PNLDC1: variants seen among roughly 807,000 people sequenced by gnomAD.
PNLDC1 encodes the protein PARN like ribonuclease domain containing exonuclease 1.
PNLDC1 carries 70 observed loss-of-function variants against 82.0 expected under a neutral mutation model. The ratio of observed to expected loss-of-function variants is 0.85; its 90% CI spans 0.70 to 1.04. The LOEUF (loss-of-function observed/expected upper bound fraction) is 1.04, where lower values mean the gene tolerates loss of function less well. Among genes scored for constraint, PNLDC1 ranks in the 50% least tolerant of loss-of-function variants. The probability of loss-of-function intolerance (pLI) is 0.00; values close to 1 mark genes in which losing one functional copy is unlikely to be tolerated. For synonymous variants in PNLDC1, 280 were observed against 249.3 expected (o/e 1.12, Z -1.16); for missense variants, 631 against 661.1 (o/e 0.95, Z 0.50).
intron 13 of PNLDC1, 62 bp downstream of exon 13, chr6:159,816,095 G>A: frequency 9.2e-7 from 1 of 1,088,844 alleles, no homozygotes; most frequent in South Asian, 1.6e-5. Context: ...GCTCAGCTGA[G>A]CTTGTCCTTG....
intron 6 of PNLDC1, chr6:159,805,704 G>C: frequency 2.6e-6 from 1 of 389,252 alleles, no homozygotes. Context: ...GCTTGGTATT[G>C]GCTAGATACC....
In PNLDC1 at chr6:159,804,024, C is replaced by T. The variant is rs1241178488; in HGVS notation, c.308C>T (p.Ser103Leu). 1 of 1,613,970 alleles carries T rather than the reference C, an allele frequency of 6.2e-7. No individual in the cohort carries two copies. Among genetic ancestry groups the T allele is most frequent in the Non-Finnish European group, 8.5e-7 (1 of 1,179,834 alleles). Residue 103 changes from serine to leucine, a missense_variant, in exon 5 of 19, where the codon TCA (serine) becomes TTA (leucine). By Grantham distance (145) the Ser-to-Leu change is moderately radical (BLOSUM62 -2). Coordinates refer to ENST00000392167, the MANE Select transcript of PNLDC1 (RefSeq NM_001271862.2). ...LFPTTFGILDSEFSFQASSVQ... is the reference protein window; with the variant it reads ...LFPTTFGILDLEFSFQASSVQ... ...CCTACAACGTTTGGGATTTTGGACT[C>T]AGAATTCTCCTTCCAGGCTTCCAGT...
Position 159,809,158 on chromosome 6 carries a change from G to A in PNLDC1, c.783G>A (p.Lys261=). 1.2e-6 allele frequency: 2 copies of A among 1,613,778 alleles called. No individual in the cohort carries two copies. Among genetic ancestry groups the A allele is most frequent in the Non-Finnish European group, 1.7e-6 (2 of 1,179,962 alleles). ...TCCAAATGCTGGTGAAAGCCCAGAA[G>A]GTAGGAAAACATGTCTCTTTTCTTG... The part of the protein sequence containing the change: ...VFFQMLVKAQ[K]PLVGHNMMMD... The change falls in exon 9 of 19, where the codon AAG becomes AAA. Residue 261 remains lysine (K), a splice_region_variant and synonymous_variant. Coordinates refer to ENST00000392167, the MANE Select transcript of PNLDC1 (RefSeq NM_001271862.2).
At position 159,820,551 on chromosome 6, in the gene PNLDC1, C is replaced by T; in HGVS notation, c.*34C>T. 1.2e-6 allele frequency: 2 copies of T among 1,600,376 alleles called. No homozygotes were observed. The highest frequency in any genetic ancestry group is 1.7e-6 in the Non-Finnish European group (2 of 1,167,956). On this transcript the variant is annotated 3_prime_UTR_variant, in exon 19 of 19. Transcript: ENST00000392167. ...AGGCCTCCTGCGGCCACCCTCGGGT[C>T]CCCATGCTCTCTGGGAGGTGTGCTG... is the stretch of plus-strand genomic sequence containing the variant.
intron 3 of PNLDC1, among the ~76,000 whole-genome samples, chr6:159,802,609 CTT>C (rs1203802134): frequency 6.6e-6 from 1 of 151,532 alleles, no homozygotes; most frequent in Non-Finnish European, 1.5e-5. Flanking sequence ...GGGACAGAGT[CTT>C]GCTCTGTTGC....
chr6:159,816,528 TGG>T lies in PNLDC1; in HGVS notation c.1061-14_1061-13del, dbSNP rs761533614. The T allele has an allele frequency of 1.9e-6, 3 of 1,612,858 alleles. No individual in the cohort carries two copies. Among genetic ancestry groups the T allele is most frequent in the Non-Finnish European group, 2.5e-6 (3 of 1,179,336 alleles). On this transcript the variant is annotated splice_polypyrimidine_tract_variant and intron_variant, in intron 13 of 18. Transcript: ENST00000392167. Reference sequence around the variant, plus strand: ...ACTGCTCAATTCTCTGTCCTCCTGGTGGAAAATGCCTCAGTTGAGACAAAGTG... The same window carrying T: ...ACTGCTCAATTCTCTGTCCTCCTGGTAAAATGCCTCAGTTGAGACAAAGTG...
At chr6:159,807,330 A>G (rs1423360422) in intron 7 of PNLDC1, among the ~76,000 whole-genome samples, 6 of 152,166 alleles carry the variant, frequency 3.9e-5, no homozygotes, top group Admixed American at 3.3e-4. Context: ...TTGGGAGGCC[A>G]AGGCAATGAG....
chr6:159,801,566 C>T (rs1781256971), intron 3 of PNLDC1, among the ~76,000 whole-genome samples: 2 of 152,092 alleles, frequency 1.3e-5, no homozygotes, highest in Non-Finnish European at 2.9e-5. Context: ...AGCACGTCAG[C>T]CTCCTGAGTA....
intron 7 of PNLDC1, among the ~76,000 whole-genome samples, chr6:159,808,529 T>A (rs376823267): frequency 2.2e-3 from 275 of 127,198 alleles, no homozygotes; most frequent in Middle Eastern, 4.4e-3. Context: ...GGCCCTGAGA[T>A]AAAAAAAAAA....
rs757368169 is a variant in PNLDC1, at chr6:159,804,604, A to G, written c.428A>G (p.His143Arg). 3 of 1,611,314 alleles carry G rather than the reference A, an allele frequency of 1.9e-6. No homozygotes were observed. In the Admixed American group the frequency reaches 5.0e-5, roughly 27 times the overall value. ...GAAGAACAGGAGAAGAAAATTAGAC[A>G]CGATATCCTGACTGGGAACTGGAGA... ...MNEEQEKKIRHDILTGNWRVR... is the reference protein window; with the variant it reads ...MNEEQEKKIRRDILTGNWRVR... Residue 143 changes from histidine to arginine, a missense_variant, in exon 6 of 19, where the codon CAC (histidine) becomes CGC (arginine). Physicochemically the swap from His to Arg is conservative, Grantham distance 29 (BLOSUM62 0). Transcript: ENST00000392167.
At chr6:159,810,194 C>G in intron 10 of PNLDC1, 99 bp downstream of exon 10, 1 of 1,043,806 alleles carries the variant, frequency 9.6e-7, no homozygotes, top group Non-Finnish European at 1.5e-6. Flanking sequence ...CCTAAAATGC[C>G]CATTCCTCCC....
rs368509896 is a variant in PNLDC1, at chr6:159,819,206, C to T, written c.1434-48C>T. On this transcript the variant is annotated intron_variant, in intron 17 of 18. Transcript: ENST00000392167. This position sits in a 1 kb window ranked among gnomAD's most constrained non-coding sequence, Gnocchi z 4.6. ...ACTCCACCCGCCTGATCACAGCAGG[C>T]GGCGCCATCCTGCTGCCTGGCTGAC... 188 of 1,609,520 alleles carry T rather than the reference C, an allele frequency of 1.2e-4. No homozygotes were observed. The highest frequency in any genetic ancestry group is 1.3e-4 in the Non-Finnish European group (158 of 1,177,006).
intron 13 of PNLDC1, 99 bp downstream of exon 13, chr6:159,816,132 A>ACCCCCCCGCCACCCCCCTCCCCC: frequency 4.0e-6 from 1 of 252,892 alleles, no homozygotes; most frequent in South Asian, 8.9e-5. Context: ...ACCCCTCCCC[A>ACCCCCCCGCCACCCCCCTCCCCC]CCCACCCGCC....
In PNLDC1 at chr6:159,820,664, T is replaced by C; in HGVS notation, c.*147T>C. 5 of 720,400 alleles carry C rather than the reference T, an allele frequency of 6.9e-6. No homozygotes were observed. The Middle Eastern group carries it at 7.4e-4, about 107-fold the overall frequency. 44.6% of individuals were successfully genotyped at this position (720,400 alleles called of 1,614,324 possible). On this transcript the variant is annotated 3_prime_UTR_variant, in exon 19 of 19. Coordinates refer to ENST00000392167, the MANE Select transcript of PNLDC1 (RefSeq NM_001271862.2). ...CTGTTATGTCCTGAACGTGAAATTCTGTCAACACTCTCAATGATAAATCAG... is the reference window on the plus strand; with the variant it reads ...CTGTTATGTCCTGAACGTGAAATTCCGTCAACACTCTCAATGATAAATCAG...
Position 159,810,105 on chromosome 6 carries a change from A to G in PNLDC1, c.853+10A>G. On this transcript the variant is annotated intron_variant, in intron 10 of 18. Transcript: ENST00000392167. ...TTCAGACCCCTCCCAGGTAGGGGCA[A>G]ACCTGTCATTTCTCTTCCTTCACGC... 6.2e-7 allele frequency: 1 copy of G among 1,610,326 alleles called. No homozygotes were observed. Among genetic ancestry groups the G allele is most frequent in the South Asian group, 1.1e-5 (1 of 91,018 alleles).
Position 159,800,769 on chromosome 6 carries a change from C to T in PNLDC1, c.77-3C>T, listed in dbSNP as rs754073075. 7 of 1,614,062 alleles carry T rather than the reference C, an allele frequency of 4.3e-6. No individual in the cohort carries two copies. Among genetic ancestry groups the T allele is most frequent in the Admixed American group, 3.3e-5 (2 of 60,008 alleles). ...GGACTGCTATTTTTTGCCTTCCTGG[C>T]AGGTCTGGACATAGAGTTCACGGGC... On this transcript the variant is annotated splice_polypyrimidine_tract_variant and splice_region_variant and intron_variant, in intron 1 of 18. Transcript: ENST00000392167.
chr6:159,813,643 G>A lies in PNLDC1; in HGVS notation c.982G>A (p.Glu328Lys). The change falls in exon 12 of 19, where the codon GAA (glutamate) becomes AAA (lysine). Residue 328 changes from glutamate to lysine, a missense_variant. By Grantham distance (56) the Glu-to-Lys change is moderately conservative. Transcript: ENST00000392167. ...GGTGTCGAATCTTTCGGAAGTCTAT[G>A]AAGTCCTGAACAGGTGAGGACGGCG... Reference protein sequence around the residue: ...PRVSNLSEVYEVLNSDLNPTK... With the variant: ...PRVSNLSEVYKVLNSDLNPTK... 6.2e-7 allele frequency: 1 copy of A among 1,613,934 alleles called. No homozygotes were observed. The highest frequency in any genetic ancestry group is 8.5e-7 in the Non-Finnish European group (1 of 1,179,806).
chr6:159,819,080 C>G lies in PNLDC1; in HGVS notation c.1392C>G (p.Leu464=). The change falls in exon 17 of 19, where the codon CTC becomes CTG. Residue 464 remains leucine (L), a synonymous_variant. Coordinates refer to ENST00000392167, the MANE Select transcript of PNLDC1 (RefSeq NM_001271862.2). This position sits in a 1 kb window ranked among gnomAD's most constrained non-coding sequence, Gnocchi z 4.6. ...QNLCKFDVRR[L]TRSQFLLLTN... is the part of the protein sequence containing the mutation. Reference sequence around the variant, plus strand: ...TCTGCAAGTTTGATGTCAGGCGACTCACAAGAAGCCAGTTCTTACTCCTGA... The same window carrying G: ...TCTGCAAGTTTGATGTCAGGCGACTGACAAGAAGCCAGTTCTTACTCCTGA... 1.2e-6 allele frequency: 2 copies of G among 1,614,026 alleles called. No individual in the cohort carries two copies. Among genetic ancestry groups the G allele is most frequent in the Non-Finnish European group, 1.7e-6 (2 of 1,180,012 alleles).
chr6:159,807,602 A>G (rs144522794), intron 7 of PNLDC1, among the ~76,000 whole-genome samples: 1 of 152,334 alleles, frequency 6.6e-6, no homozygotes, highest in Admixed American at 6.5e-5. Flanking sequence ...AAAATGTGCA[A>G]ACATTTGGGA....
Sources: allele counts gnomAD v4.1 joint callset (sites outside exome capture counted in the v4.1 genomes callset), GRCh38; gene constraint gnomAD v4.1.1; non-coding constraint Gnocchi (gnomAD v3.1); transcripts MANE v1.5; gene names NCBI Gene and HGNC (gene_info 2026-07-23, HGNC 2026-07-21).